The following RALGAPA2 variants were observed in gnomAD, a reference collection of about 807,000 sequenced individuals.
RALGAPA2 encodes the protein Ral GTPase activating protein catalytic subunit alpha 2.
A neutral mutation model predicts 230.4 loss-of-function variants in RALGAPA2; 139 were observed. The observed-to-expected ratio is 0.60, with a 90% confidence interval of 0.53 to 0.69. RALGAPA2 has a LOEUF of 0.69. Among genes scored for constraint, RALGAPA2 ranks in the 30% least tolerant of loss-of-function variants. The pLI, the probability that RALGAPA2 is intolerant of heterozygous loss-of-function variation, is 0.00. For missense variants in RALGAPA2, 2,163 were observed against 2,276.0 expected, an observed-to-expected ratio of 0.95 and a Z score of 1.01; for synonymous variants, 847 against 837.8, an observed-to-expected ratio of 1.01 and a Z score of -0.19.
intron 3 of RALGAPA2, among the ~76,000 whole-genome samples, chr20:20,673,944 T>C (rs6075693): frequency 0.046 from 7,006 of 151,992 alleles, 256 homozygotes; most frequent in East Asian, 0.16. Flanking sequence ...TCCCACAACT[T>C]CAGGAGGCCA....
intron 15 of RALGAPA2, among the ~76,000 whole-genome samples, 195 bp from the exon 16 acceptor site, chr20:20,602,041 A>C (rs760454258): frequency 3.3e-5 from 5 of 152,244 alleles, no homozygotes; most frequent in Non-Finnish European, 5.9e-5. Flanking sequence ...TCTTGTTGCC[A>C]AAATATTTTC....
At chr20:20,445,838 G>T (rs1194742783) in intron 37 of RALGAPA2, among the ~76,000 whole-genome samples, 1 of 152,172 alleles carries the variant, frequency 6.6e-6, no homozygotes, top group Non-Finnish European at 1.5e-5. Context: ...TCCAGCAACT[G>T]CTTTGAAAGA....
chr20:20,657,352 C>G (rs2067624163), intron 3 of RALGAPA2, among the ~76,000 whole-genome samples: 2 of 152,168 alleles, frequency 1.3e-5, no homozygotes, highest in Non-Finnish European at 2.9e-5. Context: ...AGAGTATGAC[C>G]AAGGATGGAA....
At chr20:20,701,212 G>A (rs1394870587) in intron 1 of RALGAPA2, among the ~76,000 whole-genome samples, 1 of 152,182 alleles carries the variant, frequency 6.6e-6, no homozygotes, top group Non-Finnish European at 1.5e-5. Flanking sequence ...TATCTCATGT[G>A]TAAAATAGGG....
intron 39 of RALGAPA2, among the ~76,000 whole-genome samples, chr20:20,394,852 G>T (rs921371461): frequency 2.7e-5 from 3 of 112,574 alleles, no homozygotes; most frequent in Non-Finnish European, 4.9e-5. Flanking sequence ...CAACAGCCCA[G>T]CCCACTATGG....
chr20:20,645,326 C>T (rs529685548), intron 4 of RALGAPA2, among the ~76,000 whole-genome samples: 50 of 151,974 alleles, frequency 3.3e-4, no homozygotes, highest in African/African-American at 1.1e-3. Context: ...GTTAGCCAGG[C>T]TGATCTCAAA....
At chr20:20,400,856 A>G (rs754525546) in intron 38 of RALGAPA2, among the ~76,000 whole-genome samples, 1 of 152,258 alleles carries the variant, frequency 6.6e-6, no homozygotes, top group East Asian at 1.9e-4. Flanking sequence ...CAATAAAAAG[A>G]AATGGAATAC....
rs374976439 is a variant in RALGAPA2 at position 20,642,355 on chromosome 20, C to T, written c.372+1151G>A. On this transcript the variant is annotated intron_variant, in intron 5 of 39. Transcript: ENST00000202677. ...CCTCCCGAGTAGCTGAGACTATAGGCGTATGCCACCATGCCCGGCTAATTT... is the reference window on the plus strand; with the variant it reads ...CCTCCCGAGTAGCTGAGACTATAGGTGTATGCCACCATGCCCGGCTAATTT... Among the ~76,000 whole-genome samples, 9 of 152,058 alleles carry T rather than the reference C, an allele frequency of 5.9e-5. No homozygotes were observed. In the East Asian group the frequency reaches 1.6e-3, roughly 26 times the overall value.
chr20:20,546,740 C>T lies in RALGAPA2; in HGVS notation c.3249G>A (p.Thr1083=), dbSNP rs369140945. 13 of 1,611,432 alleles carry T rather than the reference C, an allele frequency of 8.1e-6. No individual in the cohort carries two copies. The highest frequency in any genetic ancestry group is 6.7e-5 in the African/African-American group (5 of 74,866). Residue 1083 remains threonine, a synonymous_variant, in exon 24 of 40, where the codon ACG becomes ACA. Transcript: ENST00000202677. The part of the protein sequence containing the change: ...GFSMLVGDFI[T]AAARVLSTDI... ...CTGTGCTAAGGACCCTGGCAGCGGC[C>T]GTGATGAAGTCCCCCACCAGCATTG...
At chr20:20,608,738 G>C (rs1452985903) in intron 14 of RALGAPA2, among the ~76,000 whole-genome samples, 1 of 152,162 alleles carries the variant, frequency 6.6e-6, no homozygotes, top group East Asian at 1.9e-4. Flanking sequence ...TAGTATTCTT[G>C]CCTCTTGCAT....
intron 3 of RALGAPA2, chr20:20,659,652 C>A (rs1028541948): frequency 8.9e-5 from 27 of 304,046 alleles, no homozygotes; most frequent in African/African-American, 5.5e-4. Flanking sequence ...TAACATAAGA[C>A]AACATCCTAA....
intron 1 of RALGAPA2, among the ~76,000 whole-genome samples, chr20:20,707,346 G>T (rs1243003780): frequency 6.6e-6 from 1 of 151,990 alleles, no homozygotes; most frequent in Non-Finnish European, 1.5e-5. Context: ...TATCGAAAAA[G>T]CTGCTTCTCA....
chr20:20,430,827 T>G (rs1159394079), intron 37 of RALGAPA2, among the ~76,000 whole-genome samples: 1 of 152,166 alleles, frequency 6.6e-6, no homozygotes, highest in Non-Finnish European at 1.5e-5. Context: ...CCCCAAAGGT[T>G]AAGGACAGTA....
chr20:20,676,686 T>C (rs1411776048), intron 2 of RALGAPA2, among the ~76,000 whole-genome samples: 1 of 152,222 alleles, frequency 6.6e-6, no homozygotes, highest in African/African-American at 2.4e-5. Flanking sequence ...AGTATATCTT[T>C]TGGGGCAACT....
At position 20,712,427 on chromosome 20, in the gene RALGAPA2, C is replaced by CA; in HGVS notation, c.53dup (p.Asp19GlyfsTer19). ...GGGTCAGCACGTCCTTCTTCGGGTC[C>CA]AGCACCTTCTGGGTGGACTTCTTCA... On this transcript the variant is annotated frameshift_variant, in exon 1 of 40. Transcript: ENST00000202677. LOFTEE classifies it high-confidence loss of function. The surrounding 1 kb of genome is among the most constrained non-coding windows in gnomAD (Gnocchi z 5.5). 1 of 1,555,510 alleles carries CA rather than the reference C, an allele frequency of 6.4e-7. No homozygotes were observed. Among genetic ancestry groups the CA allele is most frequent in the Non-Finnish European group, 8.7e-7 (1 of 1,149,028 alleles).
At chr20:20,526,579 A>G (rs192605154) in intron 27 of RALGAPA2, among the ~76,000 whole-genome samples, 8 of 152,258 alleles carry the variant, frequency 5.3e-5, no homozygotes, top group East Asian at 3.9e-4. Context: ...GTTAATTTAC[A>G]TAACGTTCTA....
chr20:20,613,201 T>G (rs2066026747), intron 13 of RALGAPA2, among the ~76,000 whole-genome samples: 1 of 152,238 alleles, frequency 6.6e-6, no homozygotes, highest in South Asian at 2.1e-4. Flanking sequence ...CTTTCTATTT[T>G]GTGAAGCACT....
At chr20:20,574,552 G>A (rs1483659918) in intron 20 of RALGAPA2, among the ~76,000 whole-genome samples, 3 of 152,046 alleles carry the variant, frequency 2.0e-5, no homozygotes, top group African/African-American at 7.2e-5. Flanking sequence ...ATAAGCCTTT[G>A]AATTTTTAGA....
At chr20:20,586,359 T>G (rs1010851678) in intron 18 of RALGAPA2, among the ~76,000 whole-genome samples, 44 of 152,316 alleles carry the variant, frequency 2.9e-4, no homozygotes, top group African/African-American at 1.1e-3. Context: ...CTCCATGTGG[T>G]GCAAGAAACA....
Sources: allele counts gnomAD v4.1 joint callset (sites outside exome capture counted in the v4.1 genomes callset), GRCh38; gene constraint gnomAD v4.1.1; non-coding constraint Gnocchi (gnomAD v3.1); transcripts MANE v1.5; gene names NCBI Gene and HGNC (gene_info 2026-07-23, HGNC 2026-07-21).